GLCCI1: variants seen among roughly 807,000 people sequenced by gnomAD.
GLCCI1 encodes glucocorticoid induced 1, also known as glucocorticoid-induced transcript 1 protein.
GLCCI1 carries 24 observed loss-of-function variants against 52.2 expected under a neutral mutation model. The observed-to-expected ratio is 0.46, with a 90% CI of 0.33 to 0.65. The LOEUF (loss-of-function observed/expected upper bound fraction) is 0.65, where lower values mean the gene tolerates loss of function less well. Among genes scored for constraint, GLCCI1 ranks in the 30% least tolerant of loss-of-function variants. GLCCI1 has a pLI of 0.02. For missense variants in GLCCI1, 704 were observed against 701.5 expected (o/e 1.00, Z -0.04); for synonymous variants, 310 against 276.5 (o/e 1.12, Z -1.20).
At chr7:8,053,616 C>T (rs527653520) in intron 3 of GLCCI1, among the ~76,000 whole-genome samples, 4 of 151,864 alleles carry the variant, frequency 2.6e-5, no homozygotes, top group African/African-American at 4.8e-5. Flanking sequence ...TGAGCCACTG[C>T]ACCCAGCTGA....
At position 8,076,905 on chromosome 7, in the gene GLCCI1, T is replaced by A. The variant is rs575757457; in HGVS notation, c.1177+5774T>A. Among the ~76,000 whole-genome samples, 16 of 152,348 alleles carry A rather than the reference T, an allele frequency of 1.1e-4. No individual in the cohort carries two copies. The South Asian group carries it at 2.7e-3, about 26-fold the overall frequency. ...AATGGATATATTTTTATAGCTATGTTGAAAATGTGTTTTCTTTGAATTGTT... is the reference window on the plus strand; with the variant it reads ...AATGGATATATTTTTATAGCTATGTAGAAAATGTGTTTTCTTTGAATTGTT... On this transcript the variant is annotated intron_variant, in intron 6 of 7. Coordinates refer to ENST00000223145, the MANE Select transcript of GLCCI1 (RefSeq NM_138426.4).
intron 1 of GLCCI1, among the ~76,000 whole-genome samples, chr7:7,992,753 C>G (rs1341214897): frequency 6.6e-6 from 1 of 151,994 alleles, no homozygotes; most frequent in African/African-American, 2.4e-5. Flanking sequence ...CTCTTGAAAT[C>G]TTGTCTCCTC....
intron 5 of GLCCI1, among the ~76,000 whole-genome samples, chr7:8,063,606 C>G (rs1207558305): frequency 2.1e-5 from 3 of 144,006 alleles, no homozygotes; most frequent in Non-Finnish European, 3.0e-5. Context: ...TTGCCTACCA[C>G]TTTTCTTCCT....
At chr7:8,017,807 T>C (rs937598792) in intron 2 of GLCCI1, among the ~76,000 whole-genome samples, 1 of 152,204 alleles carries the variant, frequency 6.6e-6, no homozygotes, top group African/African-American at 2.4e-5. Context: ...AGCTATTTAC[T>C]ATATCTGGTT....
chr7:8,003,871 T>A (rs2115426880), intron 1 of GLCCI1, 37 bp from the exon 2 acceptor site: 2 of 1,568,814 alleles, frequency 1.3e-6, no homozygotes, highest in African/African-American at 1.4e-5. Flanking sequence ...TTTTATTTTA[T>A]TCACTAATGA....
At chr7:8,005,501 A>C (rs1453230838) in intron 2 of GLCCI1, among the ~76,000 whole-genome samples, 5 of 152,228 alleles carry the variant, frequency 3.3e-5, no homozygotes, top group Non-Finnish European at 4.4e-5. Context: ...ACACAGATGG[A>C]AAAGCAGTCA....
In GLCCI1 at chr7:7,986,476, G is replaced by C. The variant is rs1263285740; in HGVS notation, c.457+16669G>C. On this transcript the variant is annotated intron_variant, in intron 1 of 7. Transcript: ENST00000223145. ...CTAGGCGGCGCTTGCAGTGAGCCGA[G>C]ATCACACCACTGCACTCCAGCCTGG... 4.0e-5 allele frequency among the ~76,000 whole-genome samples: 6 copies of C among 150,640 alleles called. No individual in the cohort carries two copies. In the East Asian group the frequency reaches 1.2e-3, roughly 30 times the overall value.
chr7:8,077,411 C>T (rs1782897128), intron 6 of GLCCI1, among the ~76,000 whole-genome samples: 1 of 152,142 alleles, frequency 6.6e-6, no homozygotes, highest in South Asian at 2.1e-4. Flanking sequence ...CTAGTCAGCT[C>T]CTCACATCTC....
At chr7:8,011,589 A>G (rs1781262087) in intron 2 of GLCCI1, among the ~76,000 whole-genome samples, 1 of 152,164 alleles carries the variant, frequency 6.6e-6, no homozygotes, top group Non-Finnish European at 1.5e-5. Context: ...AGTTGCAAAT[A>G]ATGCTGCTAG....
chr7:8,011,124 A>AG (rs1781254688), intron 2 of GLCCI1, among the ~76,000 whole-genome samples: 4 of 150,940 alleles, frequency 2.7e-5, no homozygotes, highest in Non-Finnish European at 5.9e-5. Flanking sequence ...GTCTCCTCCC[A>AG]CACAAAAAAA....
chr7:8,067,562 G>A (rs943549241), intron 5 of GLCCI1, among the ~76,000 whole-genome samples: 30 of 152,234 alleles, frequency 2.0e-4, no homozygotes, highest in African/African-American at 5.3e-4. Context: ...TGTAAGGCAG[G>A]TCTGGTAGTA....
intron 6 of GLCCI1, among the ~76,000 whole-genome samples, chr7:8,071,977 T>C (rs1244610907): frequency 6.6e-6 from 1 of 152,198 alleles, no homozygotes; most frequent in Non-Finnish European, 1.5e-5. Context: ...TCCCCTATGA[T>C]TGATGTATTG....
intron 1 of GLCCI1, among the ~76,000 whole-genome samples, chr7:7,983,687 C>A (rs575161002): frequency 6.6e-6 from 1 of 152,286 alleles, no homozygotes; most frequent in East Asian, 1.9e-4. Flanking sequence ...TTGAACCCAG[C>A]TACATGAACA....
At chr7:8,057,057 A>C (rs1431329630) in intron 4 of GLCCI1, among the ~76,000 whole-genome samples, 1 of 152,206 alleles carries the variant, frequency 6.6e-6, no homozygotes. Flanking sequence ...CCAAGTGTTG[A>C]TGAGGATGTG....
intron 5 of GLCCI1, among the ~76,000 whole-genome samples, chr7:8,062,482 G>A (rs1400432342): frequency 2.0e-5 from 3 of 152,152 alleles, no homozygotes; most frequent in Non-Finnish European, 4.4e-5. Context: ...TTAACTTTTA[G>A]GTTCAAGGGT....
chr7:7,972,909 C>T (rs1404384452), intron 1 of GLCCI1, among the ~76,000 whole-genome samples: 1 of 152,102 alleles, frequency 6.6e-6, no homozygotes, highest in Non-Finnish European at 1.5e-5. Flanking sequence ...TGGAGTTTTA[C>T]AAATTGAAAC....
At chr7:8,012,033 T>G (rs1176575475) in intron 2 of GLCCI1, among the ~76,000 whole-genome samples, 1 of 152,048 alleles carries the variant, frequency 6.6e-6, no homozygotes, top group Non-Finnish European at 1.5e-5. Context: ...GCCAGGATGG[T>G]CTCAATCTCT....
intron 5 of GLCCI1, among the ~76,000 whole-genome samples, chr7:8,063,395 C>A (rs933840615): frequency 2.6e-5 from 4 of 152,048 alleles, no homozygotes; most frequent in Non-Finnish European, 4.4e-5. Context: ...ATCCACCCAC[C>A]TCAGCCTCCC....
intron 5 of GLCCI1, among the ~76,000 whole-genome samples, chr7:8,063,531 C>A (rs1050867879): frequency 6.6e-6 from 1 of 151,480 alleles, no homozygotes; most frequent in Non-Finnish European, 1.5e-5. Flanking sequence ...TAATGTGGAG[C>A]ATTTTTTCAT....
Sources: gnomAD v4.1 joint callset for allele counts (sites outside exome capture counted in the v4.1 genomes callset) on GRCh38, gnomAD v4.1.1 for gene constraint, MANE v1.5 for transcripts, NCBI Gene and HGNC (gene_info 2026-07-23, HGNC 2026-07-21) for gene names.